ZMYM1: variants seen among roughly 807,000 people sequenced by gnomAD.
ZMYM1 encodes the protein zinc finger MYM-type protein 1.
ZMYM1 carries 39 observed loss-of-function variants against 60.0 expected under a neutral mutation model. The ratio of observed to expected loss-of-function variants is 0.65; its 90% CI spans 0.50 to 0.85. ZMYM1 has a LOEUF of 0.85. Among genes scored for constraint, ZMYM1 ranks in the 40% least tolerant of loss-of-function variants. The pLI is 0.00. For missense variants in ZMYM1, 1,171 were observed against 1,309.5 expected (o/e 0.89, Z 1.63); for synonymous variants, 413 against 454.0 (o/e 0.91, Z 1.15).
chr1:35,083,398 G>C (rs1277603689), intron 1 of ZMYM1, among the ~76,000 whole-genome samples: 1 of 151,712 alleles, frequency 6.6e-6, no homozygotes, highest in Non-Finnish European at 1.5e-5. Context: ...GCAGTCCTCT[G>C]TCCTCTACCT....
chr1:35,099,955 A>G (rs910761864), intron 4 of ZMYM1, among the ~76,000 whole-genome samples: 10 of 152,212 alleles, frequency 6.6e-5, no homozygotes, highest in Admixed American at 3.3e-4. Flanking sequence ...CAATGGTGCA[A>G]TCTTGGCTTA....
At chr1:35,081,007 G>A (rs1642359480) in intron 1 of ZMYM1, among the ~76,000 whole-genome samples, 2 of 151,890 alleles carry the variant, frequency 1.3e-5, no homozygotes, top group African/African-American at 4.8e-5. Flanking sequence ...GCAGTAGCGC[G>A]ATCTCAGCTC....
rs764350525 is a variant in ZMYM1, at chr1:35,088,454, ATGTGTGTGTGTGTGTG to A, written c.-74-5428_-74-5413del. ...TATGTGTATATATATATATATATATATGTGTGTGTGTGTGTGTGTGTGTGTGTGTGTGTGTGTGTGT... is the reference window on the plus strand; with the variant it reads ...TATGTGTATATATATATATATATATATGTGTGTGTGTGTGTGTGTGTGTGT... On this transcript the variant is annotated intron_variant, in intron 1 of 9. Transcript: ENST00000359858. Among the ~76,000 whole-genome samples, 113 of 107,248 alleles carry A rather than the reference ATGTGTGTGTGTGTGTG, an allele frequency of 1.1e-3. 2 individuals are homozygous for A. Among genetic ancestry groups the A allele is most frequent in the African/African-American group, 3.1e-3 (72 of 23,496 alleles). The allele number at this position is 107,248 out of a possible 152,430, so 70.4% of individuals were successfully genotyped here.
intron 4 of ZMYM1, among the ~76,000 whole-genome samples, chr1:35,099,200 T>C (rs771438783): frequency 2.2e-4 from 34 of 152,352 alleles, no homozygotes; most frequent in Admixed American, 7.2e-4. Context: ...GCTTCAGTTA[T>C]TATCTGTTGC....
chr1:35,111,714 A>C (rs528827222), intron 7 of ZMYM1, 58 bp from the exon 8 acceptor site: 1 of 1,480,052 alleles, frequency 6.8e-7, no homozygotes, highest in East Asian at 2.3e-5. Flanking sequence ...ATTACTAAAC[A>C]GTACTTTCTG....
At chr1:35,080,362 G>C (rs1642318619) in intron 1 of ZMYM1, among the ~76,000 whole-genome samples, 1 of 148,584 alleles carries the variant, frequency 6.7e-6, no homozygotes, top group Non-Finnish European at 1.5e-5. Flanking sequence ...TTTGGCCCAG[G>C]CTGAGTGCAG....
chr1:35,110,580 A>T, intron 7 of ZMYM1, 133 bp downstream of exon 7: 1 of 786,434 alleles, frequency 1.3e-6, no homozygotes, highest in Non-Finnish European at 1.7e-6. Flanking sequence ...AACTTGTTGC[A>T]AAGAACTGTT....
At chr1:35,095,621 AAAT>A (rs1643269725) in intron 2 of ZMYM1, among the ~76,000 whole-genome samples, 195 bp from the exon 3 acceptor site, 1 of 152,174 alleles carries the variant, frequency 6.6e-6, no homozygotes, top group African/African-American at 2.4e-5. Context: ...ATACCATAGA[AAAT>A]AATGTATTGG....
chr1:35,090,450 G>A (rs1269348989), intron 1 of ZMYM1, among the ~76,000 whole-genome samples: 3 of 152,140 alleles, frequency 2.0e-5, no homozygotes, highest in African/African-American at 7.2e-5. Flanking sequence ...ACAGGTTGAT[G>A]GGTGCAGCAA....
At chr1:35,067,941 A>C (rs1642000302) in intron 1 of ZMYM1, among the ~76,000 whole-genome samples, 1 of 151,908 alleles carries the variant, frequency 6.6e-6, no homozygotes, top group Admixed American at 6.6e-5. Flanking sequence ...CCGATAACCT[A>C]TGGAAAAATG....
At position 35,115,225 on chromosome 1, in the gene ZMYM1, T is replaced by G; in HGVS notation, c.3395T>G (p.Val1132Gly). 1.3e-6 allele frequency: 2 copies of G among 1,597,896 alleles called. No homozygotes were observed. Among genetic ancestry groups the G allele is most frequent in the Non-Finnish European group, 1.7e-6 (2 of 1,175,372 alleles). ...LMEPERLNEIVEKFISQMKEI is the reference protein window; with the variant it reads ...LMEPERLNEIGEKFISQMKEI ...GAGCCTGAAAGACTCAATGAAATTGTGGAAAAGTTTATCAGTCAGATGAAA... is the reference window on the plus strand; with the variant it reads ...GAGCCTGAAAGACTCAATGAAATTGGGGAAAAGTTTATCAGTCAGATGAAA... The change falls in exon 10 of 10, where the codon GTG becomes GGG. Residue 1132 changes from valine (V) to glycine (G), a missense_variant. Val to Gly is a moderately radical substitution (Grantham distance 109, BLOSUM62 -3). Coordinates refer to ENST00000359858, the MANE Select transcript of ZMYM1 (RefSeq NM_024772.5).
chr1:35,111,758 T>C lies in ZMYM1; in HGVS notation c.962-14T>C. 6.4e-7 allele frequency: 1 copy of C among 1,552,366 alleles called. No individual in the cohort carries two copies. The highest frequency in any genetic ancestry group is 8.7e-7 in the Non-Finnish European group (1 of 1,147,976). On this transcript the variant is annotated splice_polypyrimidine_tract_variant and intron_variant, in intron 7 of 9. Transcript: ENST00000359858. ...TTTTGCCTTGTTTATAAGAAATCTT[T>C]TTATTGTTGTCAGTAAGTGTTGTTT...
chr1:35,101,698 C>T (rs1643667698), intron 4 of ZMYM1, among the ~76,000 whole-genome samples: 1 of 151,684 alleles, frequency 6.6e-6, no homozygotes, highest in Non-Finnish European at 1.5e-5. Context: ...TTCATAACTC[C>T]CAAAACATTG....
At chr1:35,111,620 C>T in intron 7 of ZMYM1, 152 bp from the exon 8 acceptor site, 1 of 527,748 alleles carries the variant, frequency 1.9e-6, no homozygotes, top group East Asian at 3.5e-5. Flanking sequence ...AAGAACCTGG[C>T]TATTCCTAAG....
chr1:35,111,884 G>A lies in ZMYM1; in HGVS notation c.1074G>A (p.Leu358=). 1 of 1,599,350 alleles carries A rather than the reference G, an allele frequency of 6.3e-7. No homozygotes were observed. Residue 358 remains leucine, a synonymous_variant, in exon 8 of 10, where the codon TTG becomes TTA. Transcript: ENST00000359858. ...IVSLADTDVA[L]PIMNTDVLQD... Reference sequence around the variant, plus strand: ...CATTGGCAGACACCGATGTTGCCTTGCCCATCATGAACACTGATGTCTTAC... The same window carrying A: ...CATTGGCAGACACCGATGTTGCCTTACCCATCATGAACACTGATGTCTTAC...
intron 1 of ZMYM1, among the ~76,000 whole-genome samples, chr1:35,066,961 T>C (rs1308892451): frequency 6.6e-6 from 1 of 152,198 alleles, no homozygotes; most frequent in Non-Finnish European, 1.5e-5. Context: ...AAGATCAAAG[T>C]ATTTAAATAT....
intron 4 of ZMYM1, among the ~76,000 whole-genome samples, chr1:35,100,074 A>G (rs1283228596): frequency 6.6e-6 from 1 of 151,920 alleles, no homozygotes; most frequent in Non-Finnish European, 1.5e-5. Flanking sequence ...TATTTTCAGT[A>G]GAGATGCAGT....
At chr1:35,111,525 GAAATTGTGTAC>G (rs1212494455) in intron 7 of ZMYM1, among the ~76,000 whole-genome samples, 2 of 152,130 alleles carry the variant, frequency 1.3e-5, no homozygotes, top group East Asian at 3.8e-4. Context: ...AAAGGACTGG[GAAATTGTGTAC>G]AAAGGTAAAA....
chr1:35,070,060 A>G (rs11264000), intron 1 of ZMYM1, among the ~76,000 whole-genome samples: 29,754 of 152,096 alleles, frequency 0.2, 6,617 homozygotes, highest in African/African-American at 0.54. Flanking sequence ...GGATTGCTTT[A>G]GCAATTTGGA....
Sources: gnomAD v4.1 joint callset for allele counts (sites outside exome capture counted in the v4.1 genomes callset) on GRCh38, gnomAD v4.1.1 for gene constraint, MANE v1.5 for transcripts, NCBI Gene and HGNC (gene_info 2026-07-23, HGNC 2026-07-21) for gene names.